THADA: variants seen among roughly 807,000 people sequenced by gnomAD.
THADA encodes the protein tRNA (32-2'-O)-methyltransferase regulator THADA.
THADA carries 213 observed loss-of-function variants against 219.8 expected under a neutral mutation model. The ratio of observed to expected loss-of-function variants is 0.97; its 90% CI spans 0.87 to 1.09. The LOEUF (loss-of-function observed/expected upper bound fraction) is 1.09. Among genes scored for constraint, THADA ranks in the 50% least tolerant of loss-of-function variants. The pLI, the probability that THADA is intolerant of heterozygous loss-of-function variation, is 0.00. For synonymous variants in THADA, 1,018 were observed against 828.9 expected (o/e 1.23, Z -3.92); for missense variants, 2,956 against 2,311.3 (o/e 1.28, Z -5.72).
chr2:43,366,434 C>A (rs1670164441), intron 29 of THADA, among the ~76,000 whole-genome samples: 1 of 152,090 alleles, frequency 6.6e-6, no homozygotes, highest in South Asian at 2.1e-4. Context: ...TCTATGATCA[C>A]CTTGATCTCC....
At position 43,386,897 on chromosome 2, in the gene THADA, CAAAAA is replaced by C. The variant is rs548365391; in HGVS notation, c.4227+11069_4227+11073del. 3.7e-4 allele frequency among the ~76,000 whole-genome samples: 36 copies of C among 97,310 alleles called. 1 individual carries two copies. Among genetic ancestry groups the C allele is most frequent in the Non-Finnish European group, 5.9e-4 (27 of 46,120 alleles). The allele number at this position is 97,310 out of a possible 152,430, so 63.8% of individuals were successfully genotyped here. A position where few individuals can be genotyped will look rare whatever the true frequency, so the allele number is the denominator to read the frequency against. On this transcript the variant is annotated intron_variant, in intron 29 of 37. Transcript: ENST00000405975. ...TGGGCTACAGAGTGAGATTTCCTCT[CAAAAA>C]AAAAAAAAAAAAGCATAATTACTAT...
intron 26 of THADA, among the ~76,000 whole-genome samples, chr2:43,481,896 T>A (rs1686277108): frequency 1.3e-5 from 2 of 152,180 alleles, no homozygotes; most frequent in Non-Finnish European, 2.9e-5. Flanking sequence ...TTGCTACATA[T>A]TGACATGTAT....
intron 20 of THADA, among the ~76,000 whole-genome samples, chr2:43,542,083 T>C (rs1695398512): frequency 6.6e-6 from 1 of 152,228 alleles, no homozygotes; most frequent in Non-Finnish European, 1.5e-5. Flanking sequence ...TTACTTACTC[T>C]CTTATTCTAG....
intron 14 of THADA, 83 bp downstream of exon 14, chr2:43,570,305 T>C (rs1309231196): frequency 7.6e-7 from 1 of 1,321,470 alleles, no homozygotes; most frequent in Non-Finnish European, 1.0e-6. Context: ...ACCAAGAGAC[T>C]TCCATTTATT....
chr2:43,497,900 A>G (rs1396534868), intron 25 of THADA, among the ~76,000 whole-genome samples: 1 of 152,044 alleles, frequency 6.6e-6, no homozygotes, highest in South Asian at 2.1e-4. Context: ...AAAACAAACA[A>G]ACAAACAAAA....
intron 21 of THADA, among the ~76,000 whole-genome samples, chr2:43,529,060 C>T (rs1017639492): frequency 6.6e-6 from 1 of 152,044 alleles, no homozygotes; most frequent in Non-Finnish European, 1.5e-5. Context: ...CACTTCAAGA[C>T]AGAACCATGG....
chr2:43,397,864 T>A, intron 29 of THADA, 107 bp downstream of exon 29: 1 of 1,207,684 alleles, frequency 8.3e-7, no homozygotes, highest in Non-Finnish European at 1.2e-6. Context: ...GTTCTACAGA[T>A]AAAGTTAAGA....
chr2:43,487,226 T>C (rs1255451829), intron 25 of THADA, among the ~76,000 whole-genome samples: 1 of 152,172 alleles, frequency 6.6e-6, no homozygotes, highest in Admixed American at 6.6e-5. Context: ...CTTTTAGGTC[T>C]AAGATGACTT....
chr2:43,511,304 C>T (rs949144221), intron 22 of THADA, among the ~76,000 whole-genome samples: 1 of 152,152 alleles, frequency 6.6e-6, no homozygotes, highest in Non-Finnish European at 1.5e-5. Context: ...ACACTAAATA[C>T]TAGTTCAATA....
intron 29 of THADA, among the ~76,000 whole-genome samples, chr2:43,344,981 T>C (rs912215345): frequency 3.9e-5 from 6 of 152,238 alleles, no homozygotes; most frequent in Non-Finnish European, 7.4e-5. Flanking sequence ...CTTTTGACCT[T>C]GGCTAGTGCC....
At chr2:43,484,889 T>C (rs984028781) in intron 26 of THADA, among the ~76,000 whole-genome samples, 3 of 148,076 alleles carry the variant, frequency 2.0e-5, no homozygotes, top group South Asian at 2.1e-4. Context: ...GCTAGGATAA[T>C]ATATACAAGT....
chr2:43,520,713 T>TACACACACACACACAC (rs145550774), intron 22 of THADA, among the ~76,000 whole-genome samples: 3 of 125,038 alleles, frequency 2.4e-5, no homozygotes, highest in African/African-American at 8.9e-5. Context: ...TATATATATA[T>TACACACACACACACAC]ACACACACAC....
chr2:43,418,478 G>A (rs1188884658), intron 28 of THADA, among the ~76,000 whole-genome samples: 1 of 152,150 alleles, frequency 6.6e-6, no homozygotes, highest in Non-Finnish European at 1.5e-5. Flanking sequence ...TTCCCTGACT[G>A]CAGCTAGCCA....
chr2:43,366,603 T>C lies in THADA; in HGVS notation c.4228-22366A>G, dbSNP rs76121818. Among the ~76,000 whole-genome samples, 564 of 152,296 alleles carry C rather than the reference T, an allele frequency of 3.7e-3. 6 individuals carry two copies. The highest frequency in any genetic ancestry group is 0.013 in the African/African-American group (537 of 41,574). On this transcript the variant is annotated intron_variant, in intron 29 of 37. Transcript: ENST00000405975. ...GGAAAGCAAAAGTTTACATACAACA[T>C]TTCTTAATAGTGGAGGAAACCTAGG...
At chr2:43,371,087 G>C (rs1350634849) in intron 29 of THADA, among the ~76,000 whole-genome samples, 1 of 152,142 alleles carries the variant, frequency 6.6e-6, no homozygotes, top group Non-Finnish European at 1.5e-5. Flanking sequence ...TCAGCCTCTG[G>C]AGTTTGAGTT....
At position 43,572,891 on chromosome 2, in the gene THADA, G is replaced by A; in HGVS notation, c.1831C>T (p.Gln611Ter). 1 of 1,613,922 alleles carries A rather than the reference G, an allele frequency of 6.2e-7. No homozygotes were observed. The highest frequency in any genetic ancestry group is 8.5e-7 in the Non-Finnish European group (1 of 1,179,868). Residue 611 changes from glutamine to a stop codon, truncating the protein, a stop_gained, in exon 12 of 38, where the codon CAG (glutamine) becomes TAG (stop). Coordinates refer to ENST00000405975, the MANE Select transcript of THADA (RefSeq NM_022065.5). LOFTEE classifies it high-confidence loss of function. ...LRIARAHGHL[Q>*]SATDTWENLV... ...TTCTCCCAGGTATCAGTTGCAGACT[G>A]AAGATGTCCATGAGCTCTAGCTATT...
intron 26 of THADA, among the ~76,000 whole-genome samples, chr2:43,459,622 G>A (rs974826475): frequency 1.3e-5 from 2 of 152,142 alleles, no homozygotes; most frequent in African/African-American, 4.8e-5. Context: ...CTAGTACAAT[G>A]CCTGGGTCCT....
intron 29 of THADA, among the ~76,000 whole-genome samples, chr2:43,393,727 C>T (rs1356317897): frequency 2.7e-5 from 4 of 149,204 alleles, no homozygotes; most frequent in Non-Finnish European, 4.5e-5. Flanking sequence ...AAAAAAAGAG[C>T]TAAATTAAGA....
chr2:43,539,758 G>A (rs1210919292), intron 21 of THADA, among the ~76,000 whole-genome samples: 1 of 151,764 alleles, frequency 6.6e-6, no homozygotes, highest in Admixed American at 6.6e-5. Flanking sequence ...GCAGTCACTG[G>A]AAGAATTCTT....
Sources: allele counts gnomAD v4.1 joint callset (sites outside exome capture counted in the v4.1 genomes callset), GRCh38; gene constraint gnomAD v4.1.1; transcripts MANE v1.5; gene names NCBI Gene and HGNC (gene_info 2026-07-23, HGNC 2026-07-21).